PPP2R3A: variants seen among roughly 807,000 people sequenced by gnomAD.
PPP2R3A encodes the protein serine/threonine-protein phosphatase 2A regulatory subunit B'' subunit alpha.
In PPP2R3A, 80 loss-of-function variants were observed where a neutral mutation model predicts 106.9. The ratio of observed to expected loss-of-function variants is 0.75; its 90% CI spans 0.62 to 0.90. PPP2R3A has a LOEUF of 0.90. Ranked by LOEUF, PPP2R3A falls within the 40% of genes least tolerant of loss-of-function variation. PPP2R3A has a pLI of 0.00. For synonymous variants in PPP2R3A, 483 were observed against 468.3 expected (o/e 1.03, Z -0.41); for missense variants, 1,386 against 1,350.4 (o/e 1.03, Z -0.41).
chr3:136,049,520 G>GTTAAATGAAATCTCA (rs1559889177), intron 5 of PPP2R3A, among the ~76,000 whole-genome samples, 159 bp downstream of exon 5: 4 of 142,668 alleles, frequency 2.8e-5, no homozygotes, highest in African/African-American at 9.2e-5. Flanking sequence ...AGATCCTCTC[G>GTTAAATGAAATCTCA]TTAAATGAAA....
At chr3:136,052,009 A>G (rs1464912781) in intron 5 of PPP2R3A, among the ~76,000 whole-genome samples, 1 of 152,228 alleles carries the variant, frequency 6.6e-6, no homozygotes, top group Non-Finnish European at 1.5e-5. Context: ...CCTAAAAAAA[A>G]TACTCATGAG....
intron 9 of PPP2R3A, among the ~76,000 whole-genome samples, chr3:136,089,879 G>A (rs1457501250): frequency 6.6e-6 from 1 of 151,974 alleles, no homozygotes; most frequent in Non-Finnish European, 1.5e-5. Flanking sequence ...ATTGTAAATG[G>A]GATTGCATTC....
Position 136,146,020 on chromosome 3 carries a change from A to G in PPP2R3A, c.*854A>G, listed in dbSNP as rs1939107363. 1 of 152,210 alleles carries G rather than the reference A, an allele frequency of 6.6e-6. No individual in the cohort carries two copies. Among genetic ancestry groups the G allele is most frequent in the South Asian group, 2.1e-4 (1 of 4,830 alleles). The allele number at this position is 152,210 out of a possible 1,614,324, so 9.4% of individuals were successfully genotyped here. On this transcript the variant is annotated 3_prime_UTR_variant, in exon 14 of 14. Transcript: ENST00000264977. ...TGCTTGAAGACATAAAGGAATAATGATACATTAAAATTCTTACTAGATAGA... is the reference window on the plus strand; with the variant it reads ...TGCTTGAAGACATAAAGGAATAATGGTACATTAAAATTCTTACTAGATAGA...
At chr3:136,104,055 G>T (rs1218396148) in intron 12 of PPP2R3A, among the ~76,000 whole-genome samples, 1 of 152,150 alleles carries the variant, frequency 6.6e-6, no homozygotes, top group East Asian at 1.9e-4. Context: ...TTGCAGTTGA[G>T]TAACAGTAAA....
chr3:136,033,113 T>G (rs1280830182), intron 3 of PPP2R3A, among the ~76,000 whole-genome samples: 1 of 152,256 alleles, frequency 6.6e-6, no homozygotes, highest in Admixed American at 6.5e-5. Flanking sequence ...CAAATGCTTT[T>G]TCTCCATTTA....
chr3:135,980,915 C>T (rs1202614250), intron 1 of PPP2R3A, among the ~76,000 whole-genome samples: 1 of 151,900 alleles, frequency 6.6e-6, no homozygotes, highest in Admixed American at 6.5e-5. Context: ...CAAGGAGGAG[C>T]ACCACCAGGT....
chr3:136,001,407 A>G lies in PPP2R3A; in HGVS notation c.-92A>G. The stretch of plus-strand genomic sequence containing the variant: ...GAAGAAACCACTGAACATTGTTATT[A>G]AATATATTTTCAGCTAACTGTCATT... On this transcript the variant is annotated 5_prime_UTR_variant, in exon 2 of 14. Coordinates refer to ENST00000264977, the MANE Select transcript of PPP2R3A (RefSeq NM_002718.5). 9.4e-7 allele frequency: 1 copy of G among 1,064,094 alleles called. No individual in the cohort carries two copies. The highest frequency in any genetic ancestry group is 1.4e-6 in the Non-Finnish European group (1 of 721,514). The allele number at this position is 1,064,094 out of a possible 1,614,324, so 65.9% of individuals were successfully genotyped here.
intron 1 of PPP2R3A, among the ~76,000 whole-genome samples, chr3:135,996,399 T>C (rs187407271): frequency 6.6e-6 from 1 of 152,338 alleles, no homozygotes; most frequent in East Asian, 1.9e-4. Flanking sequence ...CAGAGGCACT[T>C]TTATTTCTAT....
At chr3:135,985,151 T>G (rs1937590232) in intron 1 of PPP2R3A, among the ~76,000 whole-genome samples, 1 of 152,212 alleles carries the variant, frequency 6.6e-6, no homozygotes, top group African/African-American at 2.4e-5. Flanking sequence ...AGGTATTTCT[T>G]TATAGCAGTG....
intron 1 of PPP2R3A, among the ~76,000 whole-genome samples, chr3:135,983,004 G>A (rs1553737982): frequency 6.6e-6 from 1 of 152,106 alleles, no homozygotes; most frequent in Non-Finnish European, 1.5e-5. Flanking sequence ...CAAGCTTAGT[G>A]CAAAAATGAA....
intron 13 of PPP2R3A, chr3:136,106,926 C>CAAAAAAAAAAAAA (rs36029618): frequency 4.8e-5 from 2 of 41,720 alleles, no homozygotes; most frequent in African/African-American, 1.3e-4. Context: ...ACTCCGTCTC[C>CAAAAAAAAAAAAA]AAAAAAAAAA....
intron 13 of PPP2R3A, among the ~76,000 whole-genome samples, chr3:136,130,553 A>G (rs920128925): frequency 6.6e-6 from 1 of 152,220 alleles, no homozygotes; most frequent in Non-Finnish European, 1.5e-5. Flanking sequence ...ATGGATAGGA[A>G]GAATCAATAT....
chr3:136,071,515 A>G (rs1936428903), intron 6 of PPP2R3A, among the ~76,000 whole-genome samples: 1 of 152,154 alleles, frequency 6.6e-6, no homozygotes, highest in Non-Finnish European at 1.5e-5. Flanking sequence ...ACTCTACTAA[A>G]TTACCTCTAC....
chr3:136,030,298 A>G (rs1576446942), intron 3 of PPP2R3A, among the ~76,000 whole-genome samples: 2 of 119,682 alleles, frequency 1.7e-5, no homozygotes, highest in East Asian at 2.0e-4. Context: ...ACCTGAAAAG[A>G]TATCTTGAGT....
rs1363648233 is a variant in PPP2R3A at position 136,003,265 on chromosome 3, C to A, written c.1767C>A (p.Ala589=). Residue 589 remains alanine (A), a synonymous_variant, in exon 2 of 14, where the codon GCC becomes GCA. Coordinates refer to ENST00000264977, the MANE Select transcript of PPP2R3A (RefSeq NM_002718.5). ...NGHKIEEEDR[A]LLLRILESIE... is the part of the protein sequence containing the mutation. The stretch of plus-strand genomic sequence containing the variant: ...ACAAAATAGAGGAAGAGGATCGAGC[C>A]CTCTTACTGCGAATCCTGGAAAGCA... 1 of 1,613,730 alleles carries A rather than the reference C, an allele frequency of 6.2e-7. No individual in the cohort carries two copies. The highest frequency in any genetic ancestry group is 1.1e-5 in the South Asian group (1 of 91,026).
At chr3:135,980,040 A>G (rs1351170289) in intron 1 of PPP2R3A, among the ~76,000 whole-genome samples, 1 of 151,784 alleles carries the variant, frequency 6.6e-6, no homozygotes, top group South Asian at 2.1e-4. Flanking sequence ...CTCTTTCTGT[A>G]TTATGTCTAC....
intron 2 of PPP2R3A, among the ~76,000 whole-genome samples, chr3:136,016,949 G>A (rs150599840): frequency 1.1e-3 from 173 of 152,262 alleles, no homozygotes; most frequent in African/African-American, 4.0e-3. Context: ...CTATTTTGGT[G>A]TATTTCGAGG....
intron 1 of PPP2R3A, among the ~76,000 whole-genome samples, chr3:135,995,564 C>T (rs750992238): frequency 7.3e-5 from 11 of 151,494 alleles, no homozygotes; most frequent in Non-Finnish European, 1.6e-4. Context: ...CTCTGCCTCC[C>T]GGGTTCCTTT....
intron 6 of PPP2R3A, among the ~76,000 whole-genome samples, chr3:136,070,973 C>T (rs1272581176): frequency 1.3e-5 from 2 of 152,112 alleles, no homozygotes; most frequent in Non-Finnish European, 2.9e-5. Context: ...AATCAGAAAA[C>T]GATGTAAGAA....
Sources: allele counts gnomAD v4.1 joint callset (sites outside exome capture counted in the v4.1 genomes callset), GRCh38; gene constraint gnomAD v4.1.1; transcripts MANE v1.5; gene names NCBI Gene and HGNC (gene_info 2026-07-23, HGNC 2026-07-21).